Variants in ZNF185 observed in about 807,000 individuals in gnomAD.
The protein encoded by ZNF185 is zinc finger protein 185 with LIM domain, also known as zinc finger protein 185.
Under a neutral mutation model 58.6 loss-of-function variants are expected in ZNF185, and 56 were observed. The observed-to-expected ratio is 0.95, with a 90% confidence interval of 0.77 to 1.19. ZNF185 has a LOEUF of 1.19. ZNF185 is among the 50% of genes most tolerant of loss of function. The probability of loss-of-function intolerance (pLI) is 0.00; values close to 1 mark genes in which losing one functional copy is unlikely to be tolerated. For missense variants in ZNF185, 627 were observed against 573.5 expected (o/e 1.09, Z -0.95); for synonymous variants, 230 against 215.9 (o/e 1.07, Z -0.57).
At chrX:152,914,770 G>A (rs1556864279) in exon 2 of ZNF185, 11 of 1,190,459 alleles carry the variant, frequency 9.2e-6, no homozygotes, top group South Asian at 5.5e-5. Context: ...ATGAAAGTGC[G>A]AACCACGCTG....
intron 11 of ZNF185, among the ~76,000 whole-genome samples, chrX:152,924,443 A>G (rs1940438344): frequency 1.8e-5 from 2 of 110,628 alleles, no homozygotes; most frequent in Admixed American, 1.9e-4. Context: ...TTATAAGGAC[A>G]TTGGTCCAAC....
At chrX:152,916,996 C>T (rs1556866141) in intron 3 of ZNF185, 135 bp from the exon 5 acceptor site, 13 of 887,106 alleles carry the variant, frequency 1.5e-5, no homozygotes, top group Non-Finnish European at 1.9e-5. Flanking sequence ...TGGCACCCCT[C>T]GTTTCTGCTG....
intron 16 of ZNF185, among the ~76,000 whole-genome samples, chrX:152,958,146 C>T (rs1219411716): frequency 8.9e-6 from 1 of 112,184 alleles, no homozygotes; most frequent in Non-Finnish European, 1.9e-5. Flanking sequence ...AATTTGCTGC[C>T]TCCCGGGCGT....
chrX:152,935,439 T>G (rs1229598332), intron 14 of ZNF185, among the ~76,000 whole-genome samples: 2 of 109,598 alleles, frequency 1.8e-5, no homozygotes, highest in African/African-American at 6.7e-5. Context: ...GGTTTCACCG[T>G]GTTAGCCAGG....
chrX:152,965,648 G>T (rs782718476), intron 19 of ZNF185, 121 bp downstream of exon 21: 4 of 552,281 alleles, frequency 7.2e-6, no homozygotes, highest in Middle Eastern at 1.0e-3. Context: ...GGTAATTGTC[G>T]AGTGGATGAG....
chrX:152,952,831 C>CTT lies in ZNF185; in HGVS notation c.1410-6852_1410-6851dup, dbSNP rs34933153. 9.9e-3 allele frequency among the ~76,000 whole-genome samples: 928 copies of CTT among 93,596 alleles called. 15 individuals carry two copies. Among genetic ancestry groups the CTT allele is most frequent in the African/African-American group, 0.035 (863 of 24,936 alleles). 81.3% of individuals were successfully genotyped at this position (93,596 alleles called of 115,157 possible). On this transcript the variant is annotated intron_variant, in intron 16 of 22. Transcript: ENST00000449285. ...AGTTCCAAATTACCCTTCGTGATTA[C>CTT]TTTTTTTTTTTTTTTTTGCCAGTTT...
At chrX:152,936,357 A>G in intron 14 of ZNF185, 61 bp from the exon 16 acceptor site, 1 of 1,004,033 alleles carries the variant, frequency 1.0e-6, no homozygotes, top group Non-Finnish European at 1.4e-6. Flanking sequence ...CTTTCTCGGG[A>G]GAGGGTAGAC....
exon 8 of ZNF185, chrX:152,920,394 G>A (rs1344780386): frequency 4.1e-6 from 5 of 1,209,532 alleles, no homozygotes; most frequent in African/African-American, 3.5e-5. Flanking sequence ...TCCTGTCAGC[G>A]GCCAAGAAGA....
chrX:152,914,324 C>A, upstream of ZNF185: 1 of 474,628 alleles, frequency 2.1e-6, no homozygotes, highest in Non-Finnish European at 3.5e-6. Flanking sequence ...TCCACCAACG[C>A]TTGCCACCCC....
At chrX:152,967,680 T>C (rs1029829486) in intron 20 of ZNF185, among the ~76,000 whole-genome samples, 1 of 112,166 alleles carries the variant, frequency 8.9e-6, no homozygotes, top group African/African-American at 3.2e-5. Context: ...AAGCCAAGAA[T>C]GCCCAGTGCT....
At chrX:152,910,457 G>T (rs1219333707), upstream of ZNF185, among the ~76,000 whole-genome samples, 3 of 112,374 alleles carry the variant, frequency 2.7e-5, no homozygotes, top group African/African-American at 9.7e-5. Context: ...TTTACGGGCT[G>T]CTTTTCACTG....
chrX:152,922,102 T>C (rs1186401022), intron 9 of ZNF185, 71 bp from the exon 11 acceptor site: 3 of 1,067,371 alleles, frequency 2.8e-6, no homozygotes, highest in Non-Finnish European at 3.8e-6. Context: ...ACTGGAAGCA[T>C]GTTCTTTGAG....
At chrX:152,937,594 C>T (rs1275965955) in intron 14 of ZNF185, among the ~76,000 whole-genome samples, 2 of 112,105 alleles carry the variant, frequency 1.8e-5, no homozygotes, top group Non-Finnish European at 3.8e-5. Flanking sequence ...CCCCAAGAGA[C>T]ATGTCCCCCA....
chrX:152,969,605 C>T, intron 21 of ZNF185, 121 bp downstream of exon 23: 1 of 527,760 alleles, frequency 1.9e-6, no homozygotes, highest in Non-Finnish European at 3.2e-6. Context: ...GGCTTGATCT[C>T]CATATACAAT....
intron 15 of ZNF185, among the ~76,000 whole-genome samples, chrX:152,943,264 G>A (rs1556891781): frequency 1.8e-5 from 2 of 111,666 alleles, no homozygotes; most frequent in African/African-American, 3.3e-5. Context: ...CCAAAGTACT[G>A]AAATTACAGG....
In ZNF185 at chrX:152,914,635, G is replaced by C. The variant is rs1230458877; in HGVS notation, c.35-75G>C. 3.2e-5 allele frequency: 38 copies of C among 1,170,125 alleles called. No homozygotes were observed. In the African/African-American group the frequency reaches 6.5e-4, roughly 20 times the overall value. ...AGCAGCAAAGGGAGAGCAGCATACT[G>C]GGAGAACTGGAAAGGAGGTCGAGGG... On this transcript the variant is annotated intron_variant, in intron 1 of 22. Transcript: ENST00000449285.
intron 12 of ZNF185, among the ~76,000 whole-genome samples, chrX:152,929,747 G>A (rs1240729200): frequency 1.8e-5 from 2 of 112,287 alleles, no homozygotes; most frequent in Non-Finnish European, 3.8e-5. Flanking sequence ...CTACCTGGGT[G>A]ATGTTTCCAA....
intron 16 of ZNF185, among the ~76,000 whole-genome samples, chrX:152,953,025 C>CTAT (rs1366615684): frequency 9.1e-6 from 1 of 110,035 alleles, no homozygotes; most frequent in Admixed American, 9.7e-5. Flanking sequence ...TTAGGAAGTT[C>CTAT]TGCACACAGT....
At chrX:152,902,801 G>A in the ZNF185 span, among the ~76,000 whole-genome samples, 1 of 112,025 alleles carries the variant, frequency 8.9e-6, no homozygotes, top group Admixed American at 9.5e-5. Flanking sequence ...GGGGTTGAGG[G>A]GACTCTGGGT....
Sources: allele counts gnomAD v4.1 joint callset (sites outside exome capture counted in the v4.1 genomes callset), GRCh38; gene constraint gnomAD v4.1.1; transcripts MANE v1.5; gene names NCBI Gene and HGNC (gene_info 2026-07-23, HGNC 2026-07-21).